The following LDAH variants were observed in gnomAD, a reference collection of about 807,000 sequenced individuals.
The protein encoded by LDAH is lipid droplet-associated hydrolase.
Under a neutral mutation model 29.6 loss-of-function variants are expected in LDAH, and 26 were observed. The ratio of observed to expected loss-of-function variants is 0.88; its 90% CI spans 0.64 to 1.22. The LOEUF (loss-of-function observed/expected upper bound fraction) is 1.22. LDAH is among the 50% of genes most tolerant of loss of function. The pLI is 0.00. For missense variants in LDAH, 344 were observed against 387.3 expected, an observed-to-expected ratio of 0.89 and a Z score of 0.94; for synonymous variants, 117 against 133.0, an observed-to-expected ratio of 0.88 and a Z score of 0.83.
intron 3 of LDAH, among the ~76,000 whole-genome samples, chr2:20,789,592 CACTT>C (rs1447476894): frequency 1.3e-5 from 2 of 152,162 alleles, no homozygotes; most frequent in Non-Finnish European, 2.9e-5. Flanking sequence ...CACGGTTTAT[CACTT>C]AATTATTCTC....
chr2:20,814,100 C>G (rs1672681109), intron 1 of LDAH, among the ~76,000 whole-genome samples: 1 of 152,042 alleles, frequency 6.6e-6, no homozygotes, highest in South Asian at 2.1e-4. Context: ...TGTGTTAATA[C>G]CACTGTAATA....
intron 4 of LDAH, among the ~76,000 whole-genome samples, chr2:20,751,592 A>T (rs1558442431): frequency 2.0e-5 from 3 of 152,208 alleles, no homozygotes; most frequent in Non-Finnish European, 2.9e-5. Context: ...CTGCAAATGC[A>T]TTTATTCTAT....
intron 5 of LDAH, among the ~76,000 whole-genome samples, chr2:20,712,991 C>T (rs750513245): frequency 1.8e-4 from 27 of 152,214 alleles, no homozygotes; most frequent in Non-Finnish European, 3.5e-4. Context: ...GAGAACTTTC[C>T]CAACCTAGCA....
chr2:20,694,268 A>G (rs1190650370), intron 6 of LDAH, among the ~76,000 whole-genome samples: 3 of 152,206 alleles, frequency 2.0e-5, no homozygotes, highest in African/African-American at 7.2e-5. Flanking sequence ...GAGAGTCCAG[A>G]CAGTCTGGAT....
At chr2:20,727,093 T>G (rs867606912) in intron 5 of LDAH, among the ~76,000 whole-genome samples, 22 of 152,246 alleles carry the variant, frequency 1.4e-4, no homozygotes, top group Admixed American at 1.3e-4. Flanking sequence ...AAGCTGCAGC[T>G]GGGGCCGGGC....
chr2:20,794,644 ATAC>A (rs767241617), intron 2 of LDAH, among the ~76,000 whole-genome samples: 1 of 152,168 alleles, frequency 6.6e-6, no homozygotes, highest in Non-Finnish European at 1.5e-5. Flanking sequence ...AAGAAAAACC[ATAC>A]GATCCTCAAC....
intron 1 of LDAH, among the ~76,000 whole-genome samples, chr2:20,811,313 C>T (rs888440710): frequency 2.6e-5 from 4 of 151,100 alleles, no homozygotes; most frequent in East Asian, 2.0e-4. Flanking sequence ...CGGCCGCGCC[C>T]GGACTCAACC....
intron 3 of LDAH, among the ~76,000 whole-genome samples, chr2:20,787,774 AT>A (rs1251644785): frequency 5.3e-5 from 8 of 152,196 alleles, no homozygotes; most frequent in South Asian, 2.1e-4. Context: ...TTGAAAAAAA[AT>A]ACCCTGAAAA....
chr2:20,752,655 C>A (rs796222204), intron 4 of LDAH, among the ~76,000 whole-genome samples: 1 of 152,216 alleles, frequency 6.6e-6, no homozygotes, highest in African/African-American at 2.4e-5. Flanking sequence ...TAGTTTCCAG[C>A]AGCTGCTGTA....
At chr2:20,790,915 T>C (rs1670902282) in intron 2 of LDAH, among the ~76,000 whole-genome samples, 1 of 152,178 alleles carries the variant, frequency 6.6e-6, no homozygotes, top group Non-Finnish European at 1.5e-5. Context: ...TAAACGATCT[T>C]TTTAAAAACA....
chr2:20,695,882 G>A (rs1663429377), intron 6 of LDAH, among the ~76,000 whole-genome samples: 2 of 152,170 alleles, frequency 1.3e-5, no homozygotes, highest in African/African-American at 4.8e-5. Context: ...GGTAACTTAA[G>A]CAGGGTCATG....
intron 4 of LDAH, among the ~76,000 whole-genome samples, chr2:20,770,475 T>C (rs572656180): frequency 2.0e-5 from 3 of 152,140 alleles, no homozygotes; most frequent in Admixed American, 1.3e-4. Flanking sequence ...TCAACTCAAC[T>C]CCCAAACTTG....
intron 3 of LDAH, among the ~76,000 whole-genome samples, chr2:20,785,351 C>T (rs146187217): frequency 6.6e-5 from 10 of 152,200 alleles, no homozygotes; most frequent in South Asian, 2.1e-4. Flanking sequence ...ATTTTTCATT[C>T]GACACTAAAT....
Position 20,684,395 on chromosome 2 carries a change from T to A in LDAH, c.*2508A>T, listed in dbSNP as rs1230371971. 1 of 152,372 alleles carries A rather than the reference T, an allele frequency of 6.6e-6. No individual in the cohort carries two copies. Among genetic ancestry groups the A allele is most frequent in the Non-Finnish European group, 1.5e-5 (1 of 68,126 alleles). 9.4% of individuals were successfully genotyped at this position (152,372 alleles called of 1,614,324 possible). ...TCTCCTTTAATCTGAAATTGCTTTTTTTTTTTGCTCTTTTTTAAAAATTAT... is the reference window on the plus strand; with the variant it reads ...TCTCCTTTAATCTGAAATTGCTTTTATTTTTTGCTCTTTTTTAAAAATTAT... On this transcript the variant is annotated 3_prime_UTR_variant, in exon 7 of 7. Transcript: ENST00000237822.
chr2:20,738,539 C>G (rs1024272305), intron 5 of LDAH, among the ~76,000 whole-genome samples: 1 of 152,064 alleles, frequency 6.6e-6, no homozygotes, highest in South Asian at 2.1e-4. Flanking sequence ...GATCCAAGAA[C>G]CCTCTCTTAG....
chr2:20,690,814 T>C lies in LDAH; in HGVS notation c.787-3720A>G, dbSNP rs1446711288. On this transcript the variant is annotated intron_variant, in intron 6 of 6. Transcript: ENST00000237822. ...TGCAAAAATGAATCGCAATGCACCATGATGAACCAATGGGCCGAGAGCAAT... is the reference window on the plus strand; with the variant it reads ...TGCAAAAATGAATCGCAATGCACCACGATGAACCAATGGGCCGAGAGCAAT... Among the ~76,000 whole-genome samples the C allele has an allele frequency of 2.0e-5, 3 of 152,134 alleles. No homozygotes were observed. In the East Asian group the frequency reaches 5.8e-4, roughly 29 times the overall value.
intron 5 of LDAH, among the ~76,000 whole-genome samples, chr2:20,738,737 T>G (rs1362151221): frequency 7.2e-6 from 1 of 138,016 alleles, no homozygotes; most frequent in African/African-American, 2.5e-5. Flanking sequence ...AGAATGGAAA[T>G]TGGAGGGAAA....
At chr2:20,790,186 T>C (rs1486624150) in intron 3 of LDAH, 69 bp downstream of exon 3, 1 of 1,542,142 alleles carries the variant, frequency 6.5e-7, no homozygotes, top group African/African-American at 1.4e-5. Context: ...ACTCTTAACC[T>C]TAGCAAGCTT....
intron 5 of LDAH, among the ~76,000 whole-genome samples, chr2:20,724,531 G>T (rs751377503): frequency 4.6e-5 from 7 of 152,200 alleles, no homozygotes; most frequent in Non-Finnish European, 1.0e-4. Flanking sequence ...TGGGGAGGAA[G>T]TGGTCCAAGA....
Sources: allele counts gnomAD v4.1 joint callset (sites outside exome capture counted in the v4.1 genomes callset), GRCh38; gene constraint gnomAD v4.1.1; transcripts MANE v1.5; gene names NCBI Gene and HGNC (gene_info 2026-07-23, HGNC 2026-07-21).